Variants in PRDM5 observed in about 807,000 individuals in gnomAD.
PRDM5 encodes the protein PR domain zinc finger protein 5.
In PRDM5, 56 loss-of-function variants were observed where a neutral mutation model predicts 81.2. The ratio of observed to expected loss-of-function variants is 0.69; its 90% confidence interval spans 0.56 to 0.86. The LOEUF (loss-of-function observed/expected upper bound fraction) is 0.86, where lower values mean the gene tolerates loss of function less well. Ranked by LOEUF, PRDM5 falls within the 40% of genes least tolerant of loss-of-function variation. The pLI is 0.00. For synonymous variants in PRDM5, 267 were observed against 256.4 expected, an observed-to-expected ratio of 1.04 and a Z score of -0.39; for missense variants, 697 against 770.1, an observed-to-expected ratio of 0.91 and a Z score of 1.12.
chr4:120,788,552 G>A (rs1180742800), intron 10 of PRDM5, among the ~76,000 whole-genome samples: 1 of 152,178 alleles, frequency 6.6e-6, no homozygotes, highest in Non-Finnish European at 1.5e-5. Context: ...GAGCATCCAG[G>A]TTGGAACACA....
Position 120,761,419 on chromosome 4 carries a change from T to G in PRDM5, c.1538-6781A>C, listed in dbSNP as rs116000987. ...AATAGGAAAAAAATCAAATCCTAGT[T>G]TAATATATGCCTTTCAGATTAAAAT... On this transcript the variant is annotated intron_variant, in intron 13 of 15. Transcript: ENST00000264808. 2.5e-3 allele frequency among the ~76,000 whole-genome samples: 388 copies of G among 152,278 alleles called. 1 individual carries two copies. The highest frequency in any genetic ancestry group is 9.0e-3 in the African/African-American group (372 of 41,542).
rs780284907 is a variant in PRDM5, at chr4:120,818,506, T to C, written c.497A>G (p.Asp166Gly). 5 of 1,613,618 alleles carry C rather than the reference T, an allele frequency of 3.1e-6. No homozygotes were observed. Among genetic ancestry groups the C allele is most frequent in the Non-Finnish European group, 4.2e-6 (5 of 1,179,624 alleles). ...GRKDRLGCKE[D>G]YACPQCESSF... is the part of the protein sequence containing the mutation. ...CGATTCACATTGAGGACAAGCATAG[T>C]CCTCTTTACAGCCAAGGCGATCTGC... Residue 166 changes from aspartate to glycine, a missense_variant, in exon 5 of 16, where the codon GAC becomes GGC. Asp to Gly is a moderately conservative substitution (Grantham distance 94). Transcript: ENST00000264808.
intron 3 of PRDM5, chr4:120,838,884 G>C: frequency 3.6e-6 from 1 of 277,878 alleles, no homozygotes; most frequent in East Asian, 6.4e-5. Flanking sequence ...ACTGCATGGA[G>C]CGGCAAGGGG....
intron 14 of PRDM5, among the ~76,000 whole-genome samples, chr4:120,738,925 T>C (rs1741506291): frequency 6.6e-6 from 1 of 152,210 alleles, no homozygotes; most frequent in South Asian, 2.1e-4. Flanking sequence ...TGATATAAAA[T>C]AACATTATTT....
intron 14 of PRDM5, among the ~76,000 whole-genome samples, chr4:120,729,695 C>T (rs528678298): frequency 1.3e-3 from 193 of 152,324 alleles, no homozygotes; most frequent in African/African-American, 4.5e-3. Context: ...ATTGAAATTT[C>T]CCTTATTATA....
chr4:120,750,710 A>G (rs1743862612), intron 14 of PRDM5, among the ~76,000 whole-genome samples: 1 of 149,888 alleles, frequency 6.7e-6, no homozygotes, highest in Non-Finnish European at 1.5e-5. Context: ...ACACACACAC[A>G]CACACACACG....
At chr4:120,863,265 A>G (rs1244389174) in intron 2 of PRDM5, among the ~76,000 whole-genome samples, 1 of 147,960 alleles carries the variant, frequency 6.8e-6, no homozygotes, top group Non-Finnish European at 1.5e-5. Context: ...GTGATCCTTC[A>G]CGGGAGGGAG....
chr4:120,765,963 CTTT>C (rs375991850), intron 13 of PRDM5, among the ~76,000 whole-genome samples: 4 of 138,130 alleles, frequency 2.9e-5, no homozygotes, highest in Non-Finnish European at 4.7e-5. Context: ...TTTTTTCTTT[CTTT>C]TTTTTTTTTT....
At chr4:120,766,648 A>G (rs1437791095) in intron 13 of PRDM5, among the ~76,000 whole-genome samples, 1 of 152,192 alleles carries the variant, frequency 6.6e-6, no homozygotes, top group Non-Finnish European at 1.5e-5. Context: ...AAAGAATAAG[A>G]AATAAAAATA....
At chr4:120,806,481 G>A (rs1010076288) in intron 8 of PRDM5, among the ~76,000 whole-genome samples, 3 of 152,138 alleles carry the variant, frequency 2.0e-5, no homozygotes, top group Non-Finnish European at 2.9e-5. Context: ...AAACAGCATG[G>A]CACTGGTACA....
chr4:120,685,498 C>A (rs954135639), intron 1 of PRDM5, among the ~76,000 whole-genome samples: 1 of 152,054 alleles, frequency 6.6e-6, no homozygotes, highest in Non-Finnish European at 1.5e-5. Flanking sequence ...TCATGATATA[C>A]AAATTAAAAT....
chr4:120,788,591 T>C (rs529316328), intron 10 of PRDM5, among the ~76,000 whole-genome samples: 2 of 152,358 alleles, frequency 1.3e-5, no homozygotes, highest in East Asian at 3.9e-4. Context: ...AAAAATACTA[T>C]ATTCCTCCCT....
At chr4:120,911,622 C>T (rs1175065793) in intron 1 of PRDM5, among the ~76,000 whole-genome samples, 2 of 152,192 alleles carry the variant, frequency 1.3e-5, no homozygotes, top group African/African-American at 4.8e-5. Flanking sequence ...AGATTCACTG[C>T]AGATATCTCT....
intron 10 of PRDM5, among the ~76,000 whole-genome samples, chr4:120,790,606 C>A (rs1344158504): frequency 2.0e-5 from 3 of 152,016 alleles, no homozygotes; most frequent in African/African-American, 4.8e-5. Flanking sequence ...AAGAGACAAA[C>A]AACAAGGGAG....
At chr4:120,721,814 T>C (rs1229353418) in intron 14 of PRDM5, among the ~76,000 whole-genome samples, 1 of 152,122 alleles carries the variant, frequency 6.6e-6, no homozygotes, top group Admixed American at 6.6e-5. Flanking sequence ...ACTCCACTTG[T>C]TATCACAGCC....
chr4:120,742,824 G>A (rs996996696), intron 14 of PRDM5, among the ~76,000 whole-genome samples: 2 of 152,102 alleles, frequency 1.3e-5, no homozygotes, highest in African/African-American at 2.4e-5. Context: ...GAAAGTGATG[G>A]GGAGAATGGA....
chr4:120,863,685 C>T (rs537660139), intron 2 of PRDM5, among the ~76,000 whole-genome samples: 1 of 152,042 alleles, frequency 6.6e-6, no homozygotes, highest in South Asian at 2.1e-4. Flanking sequence ...AAAAACAAAC[C>T]AACTCCATCT....
Position 120,834,916 on chromosome 4 carries a change from T to C in PRDM5, c.301-13571A>G, listed in dbSNP as rs560141310. On this transcript the variant is annotated intron_variant, in intron 3 of 15. Transcript: ENST00000264808. ...AAACTACACCATCATTTCTCCTGGC[T>C]CTCATGCCTTTAAATATGAACTAGA... is the stretch of plus-strand genomic sequence containing the variant. 1.7e-3 allele frequency among the ~76,000 whole-genome samples: 256 copies of C among 152,330 alleles called. 14 individuals carry two copies. In the South Asian group the frequency reaches 0.052, roughly 31 times the overall value.
intron 1 of PRDM5, among the ~76,000 whole-genome samples, chr4:120,686,316 G>T (rs1469278153): frequency 6.6e-6 from 1 of 152,092 alleles, no homozygotes; most frequent in Non-Finnish European, 1.5e-5. Flanking sequence ...CCTAGGAATA[G>T]AGAGAATTGT....
Sources: allele counts gnomAD v4.1 joint callset (sites outside exome capture counted in the v4.1 genomes callset), GRCh38; gene constraint gnomAD v4.1.1; transcripts MANE v1.5; gene names NCBI Gene and HGNC (gene_info 2026-07-23, HGNC 2026-07-21).